The following NTM variants were observed in gnomAD, a reference collection of about 807,000 sequenced individuals.
NTM encodes neurotrimin.
NTM carries 13 observed loss-of-function variants against 42.1 expected under a neutral mutation model. That is an observed-to-expected ratio of 0.31 (90% CI 0.20 to 0.49). The LOEUF (loss-of-function observed/expected upper bound fraction) is 0.49. NTM is among the 20% of genes least tolerant of loss of function. The pLI, the probability that NTM is intolerant of heterozygous loss-of-function variation, is 0.99. For synonymous variants in NTM, 187 were observed against 179.2 expected (o/e 1.04, Z -0.35); for missense variants, 373 against 452.8 (o/e 0.82, Z 1.60).
chr11:131,856,648 C>T (rs1486429575), intron 1 of NTM, among the ~76,000 whole-genome samples: 2 of 152,178 alleles, frequency 1.3e-5, no homozygotes, highest in Non-Finnish European at 2.9e-5. Flanking sequence ...GCTTCCCATA[C>T]TAGTTTATGT....
intron 1 of NTM, among the ~76,000 whole-genome samples, chr11:131,826,893 A>G (rs1241657360): frequency 6.6e-6 from 1 of 152,128 alleles, no homozygotes; most frequent in African/African-American, 2.4e-5. Flanking sequence ...GAGTTTATGC[A>G]GTCACATGGC....
At chr11:131,868,595 T>G (rs954217671) in intron 1 of NTM, among the ~76,000 whole-genome samples, 1 of 152,198 alleles carries the variant, frequency 6.6e-6, no homozygotes, top group African/African-American at 2.4e-5. Context: ...GGTCACCTCT[T>G]TTGCCCTCCC....
chr11:132,027,131 C>G (rs1367460572), intron 2 of NTM, among the ~76,000 whole-genome samples: 1 of 152,220 alleles, frequency 6.6e-6, no homozygotes, highest in African/African-American at 2.4e-5. Flanking sequence ...CCATAGATCC[C>G]TGATGGTCCA....
At chr11:132,183,229 C>T (rs1045392295) in intron 3 of NTM, among the ~76,000 whole-genome samples, 1 of 152,168 alleles carries the variant, frequency 6.6e-6, no homozygotes, top group Admixed American at 6.5e-5. Flanking sequence ...TTTGTAATGA[C>T]TCTTCAAGGA....
At chr11:131,873,521 AGTGT>A (rs71067341) in intron 1 of NTM, among the ~76,000 whole-genome samples, 2,679 of 52,150 alleles carry the variant, frequency 0.051, 119 homozygotes, top group East Asian at 0.08. Flanking sequence ...CAGAACTTAA[AGTGT>A]GTGTGTGTGT....
At position 132,158,104 on chromosome 11, in the gene NTM, G is replaced by A. The variant is rs117474163; in HGVS notation, c.400+11590G>A. Among the ~76,000 whole-genome samples, 65 of 152,244 alleles carry A rather than the reference G, an allele frequency of 4.3e-4. No homozygotes were observed. In the East Asian group the frequency reaches 0.01, roughly 24 times the overall value. On this transcript the variant is annotated intron_variant, in intron 3 of 8. Coordinates refer to ENST00000683400, the MANE Select transcript of NTM (RefSeq NM_001352005.2). The stretch of plus-strand genomic sequence containing the variant: ...AGGCTTCGTTGTTCCTGATTTAGTC[G>A]CTTCCTGGCTCACCTAAGGTCTTTA...
chr11:131,522,685 A>G (rs1233961975), intron 1 of NTM, among the ~76,000 whole-genome samples: 1 of 152,244 alleles, frequency 6.6e-6, no homozygotes, highest in South Asian at 2.1e-4. Context: ...AGCTGCAAAG[A>G]GATTTCAGGA....
intron 1 of NTM, among the ~76,000 whole-genome samples, chr11:131,625,692 T>C (rs2137706485): frequency 6.6e-6 from 1 of 152,194 alleles, no homozygotes; most frequent in African/African-American, 2.4e-5. Flanking sequence ...GAATGAAGCA[T>C]GCAGGAATCA....
intron 2 of NTM, among the ~76,000 whole-genome samples, chr11:132,127,980 A>G (rs575907422): frequency 1.3e-5 from 2 of 152,314 alleles, no homozygotes; most frequent in African/African-American, 4.8e-5. Flanking sequence ...TGAAAGATTT[A>G]CACTTTTCTG....
chr11:131,627,715 C>T (rs925054967), intron 1 of NTM, among the ~76,000 whole-genome samples: 1 of 151,998 alleles, frequency 6.6e-6, no homozygotes, highest in Non-Finnish European at 1.5e-5. Context: ...CCTGTGGTCC[C>T]ACCTACCCTG....
At chr11:132,192,343 A>G (rs2079446818) in intron 3 of NTM, among the ~76,000 whole-genome samples, 1 of 152,198 alleles carries the variant, frequency 6.6e-6, no homozygotes, top group Non-Finnish European at 1.5e-5. Flanking sequence ...AAGCCAAAAG[A>G]AATTGGGAAC....
At chr11:131,844,074 G>A (rs1036033059) in intron 1 of NTM, among the ~76,000 whole-genome samples, 2 of 151,886 alleles carry the variant, frequency 1.3e-5, no homozygotes, top group Admixed American at 1.3e-4. Flanking sequence ...ATGTGTGTGT[G>A]CGTTTGTGTT....
rs182530333 is a variant in NTM, at chr11:131,990,086, A to G, written c.167+78438A>G. 1.5e-3 allele frequency among the ~76,000 whole-genome samples: 233 copies of G among 152,300 alleles called. 2 individuals carry two copies. Among genetic ancestry groups the G allele is most frequent in the African/African-American group, 5.4e-3 (226 of 41,590 alleles). On this transcript the variant is annotated intron_variant, in intron 2 of 8. Transcript: ENST00000683400. ...TCAGTCTTATTGATTTTGATCCCCA[A>G]AAGCAACCTGTACATTTGGCAGAAT...
At chr11:131,668,036 G>T (rs555076349) in intron 1 of NTM, among the ~76,000 whole-genome samples, 5 of 152,166 alleles carry the variant, frequency 3.3e-5, no homozygotes, top group Non-Finnish European at 7.3e-5. Context: ...AGCTTTTGTC[G>T]TTCCTATTTT....
intron 2 of NTM, among the ~76,000 whole-genome samples, chr11:132,063,487 G>A (rs2080995494): frequency 1.3e-5 from 2 of 152,168 alleles, no homozygotes; most frequent in African/African-American, 2.4e-5. Context: ...GGGCAATATA[G>A]ATAAGGAATA....
At chr11:131,408,905 A>G (rs1236879172) in intron 1 of NTM, among the ~76,000 whole-genome samples, 1 of 152,200 alleles carries the variant, frequency 6.6e-6, no homozygotes, top group Non-Finnish European at 1.5e-5. Context: ...CAGAGGCATC[A>G]TATCATCCCA....
At chr11:131,595,061 A>G (rs968643498) in intron 1 of NTM, among the ~76,000 whole-genome samples, 2 of 152,198 alleles carry the variant, frequency 1.3e-5, no homozygotes, top group Non-Finnish European at 2.9e-5. Context: ...TGTCTAATGC[A>G]CCTGCGTCTT....
intron 1 of NTM, among the ~76,000 whole-genome samples, chr11:131,798,326 G>GT (rs1257886699): frequency 2.0e-5 from 3 of 152,176 alleles, no homozygotes; most frequent in Non-Finnish European, 2.9e-5. Context: ...TGCTGCAGTT[G>GT]TTTTTTCTTC....
intron 4 of NTM, among the ~76,000 whole-genome samples, chr11:132,228,919 C>T (rs1004727240): frequency 3.3e-5 from 5 of 152,098 alleles, no homozygotes; most frequent in East Asian, 1.9e-4. Flanking sequence ...TGTTGTCATG[C>T]GGAGAGCAGG....
Sources: allele counts gnomAD v4.1 joint callset (sites outside exome capture counted in the v4.1 genomes callset), GRCh38; gene constraint gnomAD v4.1.1; transcripts MANE v1.5; gene names NCBI Gene and HGNC (gene_info 2026-07-23, HGNC 2026-07-21).